Variants in CA3 observed in about 807,000 individuals in gnomAD.
CA3 encodes the protein CA-III.
In CA3, 30 loss-of-function variants were observed where a neutral mutation model predicts 35.7. The observed-to-expected ratio is 0.84, with a 90% CI of 0.63 to 1.14. The LOEUF is 1.14. CA3 is among the 50% of genes most tolerant of loss of function. The pLI is 0.00. For synonymous variants in CA3, 131 were observed against 130.8 expected (o/e 1.00, Z -0.01); for missense variants, 295 against 328.5 (o/e 0.90, Z 0.79).
Position 85,446,174 on chromosome 8 carries a change from A to C in CA3, c.540A>C (p.Pro180=). 6.2e-7 allele frequency: 1 copy of C among 1,613,350 alleles called. No individual in the cohort carries two copies. The highest frequency in any genetic ancestry group is 8.5e-7 in the Non-Finnish European group (1 of 1,179,606). The change falls in exon 6 of 7, where the codon CCA becomes CCC. Residue 180 remains proline (P), a synonymous_variant. Transcript: ENST00000285381. ...AGGCGCCCTTCACAAAGTTTGACCC[A>C]TCCTGCCTGTTCCCGGCATGCCGGG... ...GKEAPFTKFD[P]SCLFPACRDY...
chr8:85,442,757 A>G (rs986157423), intron 3 of CA3, among the ~76,000 whole-genome samples: 1 of 152,178 alleles, frequency 6.6e-6, no homozygotes, highest in South Asian at 2.1e-4. Context: ...TAGCTACTTA[A>G]TAAGAAAGCC....
intron 3 of CA3, among the ~76,000 whole-genome samples, chr8:85,443,073 C>T (rs1035528220): frequency 6.6e-6 from 1 of 152,048 alleles, no homozygotes; most frequent in Admixed American, 6.5e-5. Context: ...CTTAATGAAC[C>T]GTGTGCATAT....
At chr8:85,447,927 A>AC (rs1811314489) in intron 6 of CA3, 107 bp from the exon 7 acceptor site, 3 of 1,089,810 alleles carry the variant, frequency 2.8e-6, no homozygotes, top group African/African-American at 3.2e-5. Context: ...AAACAAACAA[A>AC]AAAACCAACA....
chr8:85,447,596 T>C (rs952453870), intron 6 of CA3, among the ~76,000 whole-genome samples: 8 of 152,202 alleles, frequency 5.3e-5, no homozygotes, highest in Admixed American at 6.5e-5. Flanking sequence ...TTGCTTGTCA[T>C]GTTTAAAACA....
At chr8:85,441,127 G>A (rs369927277) in intron 2 of CA3, among the ~76,000 whole-genome samples, 8 of 152,138 alleles carry the variant, frequency 5.3e-5, no homozygotes, top group Admixed American at 1.3e-4. Flanking sequence ...CATTGTTTGA[G>A]GTCTATATTT....
At position 85,446,123 on chromosome 8, in the gene CA3, G is replaced by A. The variant is rs1437025555; in HGVS notation, c.508-19G>A. On this transcript the variant is annotated intron_variant, in intron 5 of 6. Coordinates refer to ENST00000285381, the MANE Select transcript of CA3 (RefSeq NM_005181.4). ...GTGCATGCATGCACTCACTGCACCT[G>A]CAACCTGCTCTTACCCAGGGCAAGG... is the stretch of plus-strand genomic sequence containing the variant. 5 of 1,588,236 alleles carry A rather than the reference G, an allele frequency of 3.1e-6. No homozygotes were observed.
chr8:85,443,298 A>G (rs150088867), intron 3 of CA3, among the ~76,000 whole-genome samples: 231 of 152,358 alleles, frequency 1.5e-3, no homozygotes, highest in African/African-American at 5.4e-3. Flanking sequence ...AGCCAAACCA[A>G]TAAGTGGTGG....
intron 2 of CA3, among the ~76,000 whole-genome samples, chr8:85,441,494 C>T (rs918444380): frequency 1.3e-5 from 2 of 152,154 alleles, no homozygotes; most frequent in African/African-American, 4.8e-5. Context: ...GGAAGCAACA[C>T]GTGGAGAAGG....
At chr8:85,445,595 C>T (rs1380639706) in intron 5 of CA3, among the ~76,000 whole-genome samples, 1 of 151,984 alleles carries the variant, frequency 6.6e-6, no homozygotes, top group Admixed American at 6.6e-5. Flanking sequence ...TCAGCCAGTG[C>T]TGGTCTTTTG....
Position 85,439,849 on chromosome 8 carries a change from A to G in CA3, c.172A>G (p.Thr58Ala). 6.2e-7 allele frequency: 1 copy of G among 1,614,008 alleles called. No homozygotes were observed. The highest frequency in any genetic ancestry group is 8.5e-7 in the Non-Finnish European group (1 of 1,179,994). ...SVSYDGGSAK[T>A]ILNNGKTCRV... Reference sequence around the variant, plus strand: ...GTCTTATGATGGTGGCTCTGCCAAGACCATCCTGAATAATGGGAAGACCTG... The same window carrying G: ...GTCTTATGATGGTGGCTCTGCCAAGGCCATCCTGAATAATGGGAAGACCTG... Residue 58 changes from threonine to alanine, a missense_variant, in exon 2 of 7, where the codon ACC becomes GCC. Coordinates refer to ENST00000285381, the MANE Select transcript of CA3 (RefSeq NM_005181.4).
At chr8:85,442,611 G>A (rs1327082933) in intron 3 of CA3, among the ~76,000 whole-genome samples, 1 of 152,122 alleles carries the variant, frequency 6.6e-6, no homozygotes, top group Non-Finnish European at 1.5e-5. Flanking sequence ...TACTCAGGAG[G>A]CTGAGGTGGG....
chr8:85,447,010 GT>G (rs1178337032), intron 6 of CA3, among the ~76,000 whole-genome samples: 1 of 152,190 alleles, frequency 6.6e-6, no homozygotes, highest in Non-Finnish European at 1.5e-5. Context: ...TACTCTAATA[GT>G]AAAATCAGTT....
rs1811287031 is a variant in CA3 at position 85,446,151 on chromosome 8, G to GCGCC, written c.519_522dup (p.Phe175AlafsTer6). On this transcript the variant is annotated frameshift_variant, in exon 6 of 7. Coordinates refer to ENST00000285381, the MANE Select transcript of CA3 (RefSeq NM_005181.4). LOFTEE classifies it high-confidence loss of function. ...ACCTGCTCTTACCCAGGGCAAGGAG[G>GCGCC]CGCCCTTCACAAAGTTTGACCCATC... 6.2e-7 allele frequency: 1 copy of GCGCC among 1,608,868 alleles called. No homozygotes were observed. Among genetic ancestry groups the GCGCC allele is most frequent in the Non-Finnish European group, 8.5e-7 (1 of 1,177,070 alleles).
chr8:85,438,863 G>T lies in CA3; in HGVS notation c.-47G>T. ...CGGGCTCGCGGCGACTCTGCACCAC[G>T]CAGGGGAAGAGAAAGCAGGAGCCGT... On this transcript the variant is annotated 5_prime_UTR_variant, in exon 1 of 7. Coordinates refer to ENST00000285381, the MANE Select transcript of CA3 (RefSeq NM_005181.4). 3 of 1,549,000 alleles carry T rather than the reference G, an allele frequency of 1.9e-6. No homozygotes were observed. Among genetic ancestry groups the T allele is most frequent in the Non-Finnish European group, 2.6e-6 (3 of 1,145,664 alleles).
intron 4 of CA3, among the ~76,000 whole-genome samples, chr8:85,444,428 G>C (rs913960575): frequency 6.6e-6 from 1 of 152,086 alleles, no homozygotes; most frequent in African/African-American, 2.4e-5. Context: ...TTACGGTGGT[G>C]GTAAGGGCAA....
chr8:85,444,233 G>A, intron 4 of CA3, 107 bp downstream of exon 4: 1 of 689,826 alleles, frequency 1.4e-6, no homozygotes, highest in Non-Finnish European at 2.5e-6. Flanking sequence ...CCTTTCATAT[G>A]CATTTTATTA....
chr8:85,442,911 T>C (rs1013701086), intron 3 of CA3, among the ~76,000 whole-genome samples: 2 of 152,122 alleles, frequency 1.3e-5, no homozygotes, highest in Non-Finnish European at 2.9e-5. Flanking sequence ...CATAATAAAG[T>C]CACACGGCTG....
In CA3 at chr8:85,446,314, A is replaced by G; in HGVS notation, c.663+17A>G. The G allele has an allele frequency of 1.2e-6, 2 of 1,604,950 alleles. No individual in the cohort carries two copies. The highest frequency in any genetic ancestry group is 8.5e-7 in the Non-Finnish European group (1 of 1,173,180). ...TCTGACCAGGTGAGCAGCCTTGTGA[A>G]CACGTGGGCTTATGTTGCTGTCTGC... is the stretch of plus-strand genomic sequence containing the variant. On this transcript the variant is annotated intron_variant, in intron 6 of 6. Coordinates refer to ENST00000285381, the MANE Select transcript of CA3 (RefSeq NM_005181.4).
At position 85,442,082 on chromosome 8, in the gene CA3, G is replaced by A; in HGVS notation, c.242G>A (p.Gly81Glu). The change falls in exon 3 of 7, where the codon GGG becomes GAG. Residue 81 changes from glycine to glutamate, a missense_variant. Transcript: ENST00000285381. ...DDTYDRSMLR[G>E]GPLPGPYRLR... ...CTTATCTGAATCACAGTGCTGAGAG[G>A]GGGTCCTCTCCCTGGACCCTACCGA... 6.7e-7 allele frequency: 1 copy of A among 1,490,454 alleles called. No homozygotes were observed. The highest frequency in any genetic ancestry group is 9.4e-7 in the Non-Finnish European group (1 of 1,067,242). The allele number at this position is 1,490,454 out of a possible 1,614,324, so 92.3% of individuals were successfully genotyped here.
Sources: gnomAD v4.1 joint callset for allele counts (sites outside exome capture counted in the v4.1 genomes callset) on GRCh38, gnomAD v4.1.1 for gene constraint, MANE v1.5 for transcripts, NCBI Gene and HGNC (gene_info 2026-07-23, HGNC 2026-07-21) for gene names.